ZNF827: variants seen among roughly 807,000 people sequenced by gnomAD.
ZNF827 encodes zinc finger protein 827.
In ZNF827, 13 loss-of-function variants were observed where a neutral mutation model predicts 102.4. That is an observed-to-expected ratio of 0.13 (90% CI 0.08 to 0.20). ZNF827 has a LOEUF of 0.20. Ranked by LOEUF, ZNF827 falls within the 10% of genes least tolerant of loss-of-function variation. ZNF827 has a pLI of 1.00. For missense variants in ZNF827, 1,103 were observed against 1,344.4 expected (o/e 0.82, Z 2.81); for synonymous variants, 523 against 536.2 (o/e 0.98, Z 0.34).
intron 1 of ZNF827, among the ~76,000 whole-genome samples, chr4:145,927,093 T>C (rs947002881): frequency 1.3e-5 from 2 of 152,172 alleles, no homozygotes; most frequent in African/African-American, 4.8e-5. Flanking sequence ...TCCTGGAGCG[T>C]AGGGTCTCCC....
At chr4:145,892,129 A>C (rs966799399) in intron 3 of ZNF827, 114 bp downstream of exon 3, 3 of 982,948 alleles carry the variant, frequency 3.1e-6, no homozygotes, top group Admixed American at 5.8e-5. Flanking sequence ...TGTCATCCGC[A>C]TGTTTCATCA....
chr4:145,783,114 C>A (rs1738333359), intron 8 of ZNF827, among the ~76,000 whole-genome samples: 1 of 152,156 alleles, frequency 6.6e-6, no homozygotes, highest in South Asian at 2.1e-4. Flanking sequence ...CCAGCATAGT[C>A]CAACGTGAAG....
intron 1 of ZNF827, among the ~76,000 whole-genome samples, chr4:145,925,653 G>A (rs147024705): frequency 1.3e-3 from 200 of 152,196 alleles, no homozygotes; most frequent in African/African-American, 4.5e-3. Context: ...ACACCAAGTC[G>A]CCACACACCT....
At chr4:145,829,253 G>A (rs1037654163) in intron 7 of ZNF827, among the ~76,000 whole-genome samples, 3 of 152,140 alleles carry the variant, frequency 2.0e-5, no homozygotes, top group African/African-American at 7.2e-5. Context: ...ACTGTAATGA[G>A]TTTTTACTTG....
chr4:145,766,381 C>A (rs1735298707), intron 11 of ZNF827, among the ~76,000 whole-genome samples: 1 of 152,120 alleles, frequency 6.6e-6, no homozygotes, highest in African/African-American at 2.4e-5. Context: ...ACAAAATATA[C>A]CAAATGCTAG....
intron 9 of ZNF827, among the ~76,000 whole-genome samples, chr4:145,778,094 C>T (rs1310449005): frequency 1.3e-5 from 2 of 152,024 alleles, no homozygotes; most frequent in Non-Finnish European, 2.9e-5. Flanking sequence ...AGAAAAGACA[C>T]CAGTTTGGGC....
At chr4:145,861,920 G>A (rs549533161) in intron 5 of ZNF827, among the ~76,000 whole-genome samples, 1 of 152,306 alleles carries the variant, frequency 6.6e-6, no homozygotes, top group African/African-American at 2.4e-5. Flanking sequence ...TAAAACAAGA[G>A]CCCTTTTGAG....
At chr4:145,929,607 C>T (rs1278881708) in intron 1 of ZNF827, among the ~76,000 whole-genome samples, 1 of 151,820 alleles carries the variant, frequency 6.6e-6, no homozygotes. Flanking sequence ...AAGAATTTTA[C>T]CATATCATAT....
At chr4:145,781,240 AAG>A (rs1738008358) in intron 8 of ZNF827, among the ~76,000 whole-genome samples, 2 of 150,656 alleles carry the variant, frequency 1.3e-5, no homozygotes, top group Admixed American at 6.6e-5. Flanking sequence ...AAAAAAAAAA[AAG>A]AAAATGCTCA....
chr4:145,870,348 T>G lies in ZNF827; in HGVS notation c.1878A>C (p.Pro626=), dbSNP rs139923817. The change falls in exon 5 of 15, where the codon CCA becomes CCC. Residue 626 remains proline, a synonymous_variant. Coordinates refer to ENST00000508784, the MANE Select transcript of ZNF827 (RefSeq NM_001306215.2). ...VFSPESEVSA[P]GVSEDALKPQ... ...GCTTTAGTGCGTCCTCAGAGACGCC[T>G]GGGGCTGACACTTCAGATTCCGGGC... 2 of 1,614,140 alleles carry G rather than the reference T, an allele frequency of 1.2e-6. No individual in the cohort carries two copies.
Position 145,849,498 on chromosome 4 carries a change from T to C in ZNF827, c.2045A>G (p.Gln682Arg). 1.2e-6 allele frequency: 2 copies of C among 1,614,230 alleles called. No homozygotes were observed. Among genetic ancestry groups the C allele is most frequent in the Non-Finnish European group, 8.5e-7 (1 of 1,180,036 alleles). ...GGGTGATATCGAGACATGGGAGTCC[T>C]GGATGTCAACCTCCATGGGTTCCTC... ...IKEEPMEVDI[Q>R]DSHVSISPSR... is the part of the protein sequence containing the mutation. The change falls in exon 6 of 15, where the codon CAG (glutamine) becomes CGG (arginine). Residue 682 changes from glutamine to arginine, a missense_variant. Transcript: ENST00000508784.
chr4:145,807,803 A>AG (rs1219489425), intron 8 of ZNF827, among the ~76,000 whole-genome samples: 1 of 151,778 alleles, frequency 6.6e-6, no homozygotes, highest in African/African-American at 2.4e-5. Context: ...ACAAAAACAA[A>AG]AAAAAAACAA....
rs114720099 is a variant in ZNF827, at chr4:145,847,738, C to G, written c.2221+1584G>C. On this transcript the variant is annotated intron_variant, in intron 6 of 14. Transcript: ENST00000508784. The stretch of plus-strand genomic sequence containing the variant: ...TAATATCTAGAAAAAACCTGGCCAA[C>G]TGTATAAGAGTTTCAGATTTAAACA... 6.2e-3 allele frequency among the ~76,000 whole-genome samples: 949 copies of G among 152,288 alleles called. 7 individuals are homozygous for G. The highest frequency in any genetic ancestry group is 0.021 in the African/African-American group (883 of 41,548).
intron 1 of ZNF827, among the ~76,000 whole-genome samples, chr4:145,929,728 G>C (rs1236708566): frequency 6.6e-6 from 1 of 152,036 alleles, no homozygotes; most frequent in African/African-American, 2.4e-5. Context: ...TAAACAAACT[G>C]AAACACCTTT....
rs777609411 is a variant in ZNF827 at position 145,898,586 on chromosome 4, C to T, written c.1093+3580G>A. 2.6e-5 allele frequency among the ~76,000 whole-genome samples: 4 copies of T among 152,178 alleles called. No homozygotes were observed. The South Asian group carries it at 8.3e-4, about 32-fold the overall frequency. ...GTGTGACATTTATCTTTATAGCAAACGGACATAATCTTCCCTCTATCGTGT... is the reference window on the plus strand; with the variant it reads ...GTGTGACATTTATCTTTATAGCAAATGGACATAATCTTCCCTCTATCGTGT... On this transcript the variant is annotated intron_variant, in intron 2 of 14. Transcript: ENST00000508784.
At chr4:145,880,802 A>G (rs770002684) in intron 4 of ZNF827, among the ~76,000 whole-genome samples, 6 of 152,240 alleles carry the variant, frequency 3.9e-5, no homozygotes, top group Non-Finnish European at 5.9e-5. Flanking sequence ...GCTGTCGAAA[A>G]TCACCTGACT....
At chr4:145,889,442 G>C (rs1750408255) in intron 3 of ZNF827, among the ~76,000 whole-genome samples, 1 of 152,054 alleles carries the variant, frequency 6.6e-6, no homozygotes, top group African/African-American at 2.4e-5. Context: ...GGTTTGGAGA[G>C]GTTAAATGAT....
chr4:145,894,054 C>T (rs1202519084), intron 2 of ZNF827, among the ~76,000 whole-genome samples: 2 of 151,852 alleles, frequency 1.3e-5, no homozygotes, highest in Non-Finnish European at 2.9e-5. Context: ...CTTGGATGTT[C>T]CAAAATATCA....
At chr4:145,916,239 C>A (rs113120313) in intron 1 of ZNF827, among the ~76,000 whole-genome samples, 3 of 152,302 alleles carry the variant, frequency 2.0e-5, no homozygotes, top group African/African-American at 7.2e-5. Flanking sequence ...GGCCCCCAGG[C>A]GGTCGTGAAA....
Sources: gnomAD v4.1 joint callset for allele counts (sites outside exome capture counted in the v4.1 genomes callset) on GRCh38, gnomAD v4.1.1 for gene constraint, MANE v1.5 for transcripts, NCBI Gene and HGNC (gene_info 2026-07-23, HGNC 2026-07-21) for gene names.